The following BCAT1 variants were observed in gnomAD, a reference collection of about 807,000 sequenced individuals.
BCAT1 encodes branched-chain-amino-acid aminotransferase, cytosolic.
In BCAT1, 48 loss-of-function variants were observed where a neutral mutation model predicts 52.4. The ratio of observed to expected loss-of-function variants is 0.92; its 90% CI spans 0.73 to 1.16. The LOEUF (loss-of-function observed/expected upper bound fraction) is 1.16. Ranked by LOEUF, BCAT1 falls within the 50% of genes most tolerant of loss-of-function variation. The pLI is 0.00. For missense variants in BCAT1, 451 were observed against 457.1 expected (o/e 0.99, Z 0.12); for synonymous variants, 167 against 161.3 (o/e 1.04, Z -0.27).
intron 1 of BCAT1, among the ~76,000 whole-genome samples, chr12:24,940,746 A>C (rs1943836343): frequency 6.6e-6 from 1 of 152,242 alleles, no homozygotes; most frequent in South Asian, 2.1e-4. Context: ...TAGGTGCCAG[A>C]ACTCTCCACA....
In BCAT1 at chr12:24,885,343, A is replaced by G. The variant is rs537242602; in HGVS notation, c.280-3932T>C. Among the ~76,000 whole-genome samples, 11 of 152,332 alleles carry G rather than the reference A, an allele frequency of 7.2e-5. No individual in the cohort carries two copies. In the South Asian group the frequency reaches 2.3e-3, roughly 32 times the overall value. ...TAGGTGGAGAAAAATCTAACAAAAGAAGTGAAAGATCCATAAGGAAAATAT... is the reference window on the plus strand; with the variant it reads ...TAGGTGGAGAAAAATCTAACAAAAGGAGTGAAAGATCCATAAGGAAAATAT... On this transcript the variant is annotated intron_variant, in intron 3 of 10. Transcript: ENST00000261192.
chr12:24,810,342 A>G lies in BCAT1; in HGVS notation c.*7666T>C, dbSNP rs1939641953. On this transcript the variant is annotated 3_prime_UTR_variant, in exon 11 of 11. Transcript: ENST00000261192. Reference sequence around the variant, plus strand: ...AAGGCACATATGTATATGGAATCAGATTCATGATTTGAAAAATATGCTTAA... The same window carrying G: ...AAGGCACATATGTATATGGAATCAGGTTCATGATTTGAAAAATATGCTTAA... 6.6e-6 allele frequency: 1 copy of G among 152,262 alleles called. No homozygotes were observed. The highest frequency in any genetic ancestry group is 2.4e-5 in the African/African-American group (1 of 41,472). 9.4% of individuals were successfully genotyped at this position (152,262 alleles called of 1,614,324 possible).
At chr12:24,911,590 T>C (rs2139702531) in intron 1 of BCAT1, among the ~76,000 whole-genome samples, 1 of 152,304 alleles carries the variant, frequency 6.6e-6, no homozygotes, top group Middle Eastern at 3.4e-3. Flanking sequence ...CTGTTGCATA[T>C]CTCAATATAT....
chr12:24,827,042 T>G (rs934525910), intron 10 of BCAT1, among the ~76,000 whole-genome samples: 1 of 152,084 alleles, frequency 6.6e-6, no homozygotes, highest in Non-Finnish European at 1.5e-5. Flanking sequence ...TTTGAGGGAG[T>G]CTTTAGGTTT....
Position 24,884,028 on chromosome 12 carries a change from T to C in BCAT1, c.280-2617A>G, listed in dbSNP as rs141959712. Among the ~76,000 whole-genome samples, 58 of 152,278 alleles carry C rather than the reference T, an allele frequency of 3.8e-4. 1 individual carries two copies. The East Asian group carries it at 0.01, about 27-fold the overall frequency. Reference sequence around the variant, plus strand: ...GGACCCTTATCCAAAGGAATTGAAATCAGCATGAGGTATCTGTGCTCTCAT... The same window carrying C: ...GGACCCTTATCCAAAGGAATTGAAACCAGCATGAGGTATCTGTGCTCTCAT... On this transcript the variant is annotated intron_variant, in intron 3 of 10. Transcript: ENST00000261192.
rs539908289 is a variant in BCAT1 at position 24,820,316 on chromosome 12, C to G, written c.1120-2267G>C. On this transcript the variant is annotated intron_variant, in intron 10 of 10. Transcript: ENST00000261192. ...TGATATTACAGGTAATTCATAATGT[C>G]TAGAAGTAGGCATTTAGTAATCAGA... is the stretch of plus-strand genomic sequence containing the variant. Among the ~76,000 whole-genome samples, 3 of 152,224 alleles carry G rather than the reference C, an allele frequency of 2.0e-5. No individual in the cohort carries two copies. The South Asian group carries it at 6.2e-4, about 32-fold the overall frequency.
At chr12:24,948,833 C>T (rs1943976037) in intron 1 of BCAT1, 94 bp downstream of exon 1, 16 of 1,402,648 alleles carry the variant, frequency 1.1e-5, no homozygotes, top group Non-Finnish European at 1.5e-5. Context: ...TCTCGCCTTC[C>T]TCCCCTCCCT....
chr12:24,839,291 G>T (rs911430375), intron 7 of BCAT1, among the ~76,000 whole-genome samples: 2 of 152,184 alleles, frequency 1.3e-5, no homozygotes, highest in Admixed American at 1.3e-4. Context: ...AGAGCAAGCG[G>T]TACAGACATC....
At chr12:24,826,479 T>C (rs1178526645) in intron 10 of BCAT1, among the ~76,000 whole-genome samples, 1 of 152,212 alleles carries the variant, frequency 6.6e-6, no homozygotes, top group Non-Finnish European at 1.5e-5. Context: ...TTCTCTATTC[T>C]GTCCCACTGG....
intron 1 of BCAT1, among the ~76,000 whole-genome samples, chr12:24,929,756 G>GC (rs1213009086): frequency 6.6e-6 from 1 of 151,952 alleles, no homozygotes; most frequent in Non-Finnish European, 1.5e-5. Context: ...CCCTCAATAA[G>GC]CCCCAAGCCC....
At chr12:24,941,221 A>G (rs373824410) in intron 1 of BCAT1, among the ~76,000 whole-genome samples, 8 of 152,316 alleles carry the variant, frequency 5.3e-5, no homozygotes, top group Admixed American at 2.0e-4. Context: ...CCTACAATCA[A>G]TTTAAAATCA....
intron 3 of BCAT1, among the ~76,000 whole-genome samples, chr12:24,883,844 A>G (rs1384223212): frequency 6.6e-6 from 1 of 152,132 alleles, no homozygotes; most frequent in African/African-American, 2.4e-5. Context: ...ACAGTTCACA[A>G]TAGGGTTCAC....
chr12:24,901,679 G>A lies in BCAT1; in HGVS notation c.78+135C>T, dbSNP rs1021682322. 2.4e-5 allele frequency: 22 copies of A among 902,644 alleles called. No homozygotes were observed. In the Admixed American group the frequency reaches 3.4e-4, roughly 14 times the overall value. The allele number at this position is 902,644 out of a possible 1,614,324, so 55.9% of individuals were successfully genotyped here. ...AATGGCTTTTTTTCCTCTAAGAGTG[G>A]AATTTTAAAAGTCTGGCAACACAAC... On this transcript the variant is annotated intron_variant, in intron 2 of 10. Coordinates refer to ENST00000261192, the MANE Select transcript of BCAT1 (RefSeq NM_005504.7).
At chr12:24,935,828 A>T (rs1425050995) in intron 1 of BCAT1, among the ~76,000 whole-genome samples, 2 of 152,206 alleles carry the variant, frequency 1.3e-5, no homozygotes, top group Non-Finnish European at 2.9e-5. Context: ...CTGTATGACA[A>T]GGATCTTTTT....
chr12:24,891,806 C>T (rs1315626599), intron 3 of BCAT1, among the ~76,000 whole-genome samples: 2 of 150,804 alleles, frequency 1.3e-5, no homozygotes, highest in African/African-American at 4.9e-5. Context: ...TGGAGTGCAG[C>T]GGCGTGATCT....
chr12:24,878,629 G>A lies in BCAT1; in HGVS notation c.411C>T (p.Leu137=). Residue 137 remains leucine (L), a synonymous_variant, in exon 5 of 11, where the codon CTC becomes CTT. Coordinates refer to ENST00000261192, the MANE Select transcript of BCAT1 (RefSeq NM_005504.7). ...ATLPVFDKEE[L]LECIQQLVKL... ...TCACAAGCTGTTGAATACACTCTAA[G>A]AGCTCTTCTTTGTCAAATACCTGAA... 3 of 1,604,210 alleles carry A rather than the reference G, an allele frequency of 1.9e-6. No individual in the cohort carries two copies. Among genetic ancestry groups the A allele is most frequent in the Non-Finnish European group, 1.7e-6 (2 of 1,175,220 alleles).
chr12:24,905,026 A>G (rs1310170034), intron 1 of BCAT1, among the ~76,000 whole-genome samples: 1 of 152,206 alleles, frequency 6.6e-6, no homozygotes, highest in Non-Finnish European at 1.5e-5. Context: ...GGAAGAAGGG[A>G]TGAAGAGCAC....
intron 1 of BCAT1, among the ~76,000 whole-genome samples, chr12:24,946,093 T>A (rs576737132): frequency 1.3e-5 from 2 of 152,128 alleles, no homozygotes; most frequent in Non-Finnish European, 2.9e-5. Context: ...TTAAAGAAGC[T>A]GGCAACCTGA....
At chr12:24,844,002 A>G (rs1480770530) in intron 6 of BCAT1, among the ~76,000 whole-genome samples, 1 of 152,178 alleles carries the variant, frequency 6.6e-6, no homozygotes, top group African/African-American at 2.4e-5. Context: ...CTAGGCCAAC[A>G]TGGAGCCAGA....
Sources: gnomAD v4.1 joint callset for allele counts (sites outside exome capture counted in the v4.1 genomes callset) on GRCh38, gnomAD v4.1.1 for gene constraint, MANE v1.5 for transcripts, NCBI Gene and HGNC (gene_info 2026-07-23, HGNC 2026-07-21) for gene names.